Variants in HTD2 observed in about 807,000 individuals in gnomAD.
HTD2 encodes the protein hydroxyacyl-thioester dehydratase type 2, also known as hydroxyacyl-thioester dehydratase type 2, mitochondrial.
A neutral mutation model predicts 3.1 loss-of-function variants in HTD2; 1 was observed. The observed-to-expected ratio is 0.32, with a 90% CI of 0.11 to 1.52. HTD2 has a LOEUF of 1.52. Ranked by LOEUF, HTD2 falls within the 40% of genes most tolerant of loss-of-function variation. The pLI is 0.39. For missense variants in HTD2, 150 were observed against 79.6 expected, an observed-to-expected ratio of 1.88 and a Z score of -3.36; for synonymous variants, 50 against 28.9, an observed-to-expected ratio of 1.73 and a Z score of -2.34.
chr3:58,310,981 AT>A (rs1164548809), intron 2 of HTD2, among the ~76,000 whole-genome samples: 15 of 143,730 alleles, frequency 1.0e-4, no homozygotes, highest in African/African-American at 2.6e-4. Context: ...AAAAAAAAAA[AT>A]AAATTATACA....
intron 1 of HTD2, among the ~76,000 whole-genome samples, chr3:58,306,920 G>T (rs969444329): frequency 2.0e-5 from 3 of 152,170 alleles, no homozygotes; most frequent in African/African-American, 7.2e-5. Context: ...CAAATGCTAC[G>T]AAGAAGAAAG....
intron 2 of HTD2, among the ~76,000 whole-genome samples, chr3:58,314,221 C>T (rs1177625155): frequency 6.6e-6 from 1 of 152,138 alleles, no homozygotes; most frequent in African/African-American, 2.4e-5. Context: ...CGTGGTGGCA[C>T]ATGCCTGTAA....
chr3:58,311,484 T>C (rs1251981285), intron 2 of HTD2, among the ~76,000 whole-genome samples: 1 of 152,138 alleles, frequency 6.6e-6, no homozygotes, highest in Non-Finnish European at 1.5e-5. Flanking sequence ...CACATATGAG[T>C]GAGAACATGC....
At chr3:58,316,433 A>G in intron 2 of HTD2, 82 bp from the exon 3 acceptor site, 1 of 1,310,744 alleles carries the variant, frequency 7.6e-7, no homozygotes, top group South Asian at 1.2e-5. Context: ...GAAAAGCTCA[A>G]AACTCATTTG....
intron 2 of HTD2, among the ~76,000 whole-genome samples, chr3:58,311,145 G>A (rs1442581082): frequency 7.6e-6 from 1 of 131,076 alleles, no homozygotes; most frequent in Non-Finnish European, 1.8e-5. Flanking sequence ...TTTTGTTGTT[G>A]TTGTTGTTGT....
At chr3:58,308,891 A>T (rs1377062213) in intron 1 of HTD2, among the ~76,000 whole-genome samples, 1 of 152,244 alleles carries the variant, frequency 6.6e-6, no homozygotes, top group Non-Finnish European at 1.5e-5. Context: ...TTGAAGGATG[A>T]ATAGGACCTA....
chr3:58,310,571 G>A lies in HTD2; in HGVS notation c.-351G>A. ...GTTCAAACAGCTGCTTATTTCGGCT[G>A]TGAAGGACCTGTTTGGGGAGGTATG... On this transcript the variant is annotated 5_prime_UTR_variant, in exon 2 of 5. The change creates a new upstream start codon in the 5' untranslated region. Coordinates refer to ENST00000461393, the MANE Select transcript of HTD2 (RefSeq NM_001348712.2). 1.2e-6 allele frequency: 2 copies of A among 1,612,598 alleles called. No homozygotes were observed. The highest frequency in any genetic ancestry group is 2.2e-5 in the East Asian group (1 of 44,850).
At chr3:58,316,866 T>C in intron 3 of HTD2, 49 bp from the exon 4 acceptor site, 1 of 1,469,802 alleles carries the variant, frequency 6.8e-7, no homozygotes. Context: ...TGAAGTTCAT[T>C]TTGTTCTCTG....
rs1446450016 is a variant in HTD2, at chr3:58,320,029, T to A, written c.*1909T>A. 1 of 152,170 alleles carries A rather than the reference T, an allele frequency of 6.6e-6. No individual in the cohort carries two copies. Among genetic ancestry groups the A allele is most frequent in the Non-Finnish European group, 1.5e-5 (1 of 68,018 alleles). The allele number at this position is 152,170 out of a possible 1,614,324, so 9.4% of individuals were successfully genotyped here. On this transcript the variant is annotated 3_prime_UTR_variant, in exon 5 of 5. Coordinates refer to ENST00000461393, the MANE Select transcript of HTD2 (RefSeq NM_001348712.2). ...ATCACCAGTCTACTTTCTGTCTCTA[T>A]GGGTTTCCCTGTTCTGGACATTTCA...
At chr3:58,306,519 T>A (rs2097474742), upstream of HTD2, 1 of 152,300 alleles carries the variant, frequency 6.6e-6, no homozygotes, top group Admixed American at 6.5e-5. Context: ...TTGGGTAGCT[T>A]GTCCTCTCCG....
chr3:58,312,334 A>AC (rs76719108), intron 2 of HTD2, among the ~76,000 whole-genome samples: 5,529 of 69,634 alleles, frequency 0.079, 289 homozygotes, highest in Non-Finnish European at 0.096. Context: ...CAACCTCCGC[A>AC]CCCCCCCCCG....
chr3:58,317,096 T>G, intron 4 of HTD2, 103 bp downstream of exon 4: 4 of 831,076 alleles, frequency 4.8e-6, no homozygotes, highest in Non-Finnish European at 2.0e-6. Context: ...TGTAATATGG[T>G]TAAAATGATC....
chr3:58,317,693 C>T lies in HTD2; in HGVS notation c.80C>T (p.Thr27Ile). The change falls in exon 5 of 5, where the codon ACC becomes ATC. Residue 27 changes from threonine to isoleucine, a missense_variant. By Grantham distance (89) the Thr-to-Ile change is moderately conservative (BLOSUM62 -1). Coordinates refer to ENST00000461393, the MANE Select transcript of HTD2 (RefSeq NM_001348712.2). Reference sequence around the variant, plus strand: ...GTCTGTCTGAACCTGCCAGTGCTGACCCTGCAGCACTTTCAGCATATGCAC... The same window carrying T: ...GTCTGTCTGAACCTGCCAGTGCTGATCCTGCAGCACTTTCAGCATATGCAC... ...RTVCLNLPVL[T>I]LQHFQHMHIK... The T allele has an allele frequency of 1.4e-6, 1 of 704,580 alleles. No homozygotes were observed. The highest frequency in any genetic ancestry group is 2.6e-6 in the Non-Finnish European group (1 of 385,368). The allele number at this position is 704,580 out of a possible 1,614,324, so 43.6% of individuals were successfully genotyped here. A position where few individuals can be genotyped will look rare whatever the true frequency, so the allele number is the denominator to read the frequency against.
At chr3:58,311,649 G>A (rs944105804) in intron 2 of HTD2, among the ~76,000 whole-genome samples, 6 of 149,068 alleles carry the variant, frequency 4.0e-5, no homozygotes, top group East Asian at 2.0e-4. Context: ...CCATTGATGG[G>A]CACTTAAGTT....
At chr3:58,310,894 C>A (rs1038828967) in intron 2 of HTD2, among the ~76,000 whole-genome samples, 1 of 149,074 alleles carries the variant, frequency 6.7e-6, no homozygotes, top group Admixed American at 6.7e-5. Context: ...AACGCCACTG[C>A]ACTCCAGCCT....
intron 2 of HTD2, among the ~76,000 whole-genome samples, chr3:58,313,397 A>T (rs905170851): frequency 1.3e-5 from 2 of 152,248 alleles, no homozygotes; most frequent in African/African-American, 4.8e-5. Flanking sequence ...AGAAGTAGAG[A>T]AGTAGAGTTT....
At chr3:58,316,840 T>G (rs2097488782) in intron 3 of HTD2, 75 bp from the exon 4 acceptor site, 4 of 1,278,604 alleles carry the variant, frequency 3.1e-6, no homozygotes, top group East Asian at 2.3e-5. Flanking sequence ...GAAGTGAATA[T>G]TTTAGAAACC....
At chr3:58,312,677 T>C (rs1231177278) in intron 2 of HTD2, among the ~76,000 whole-genome samples, 1 of 152,064 alleles carries the variant, frequency 6.6e-6, no homozygotes, top group Non-Finnish European at 1.5e-5. Flanking sequence ...AGTCTCCTTA[T>C]GGGCCAGGCG....
Position 58,318,052 on chromosome 3 carries a change from A to G in HTD2, c.439A>G (p.Ile147Val). 1 of 693,496 alleles carries G rather than the reference A, an allele frequency of 1.4e-6. No individual in the cohort carries two copies. The highest frequency in any genetic ancestry group is 2.6e-6 in the Non-Finnish European group (1 of 382,494). The allele number at this position is 693,496 out of a possible 1,614,324, so 43.0% of individuals were successfully genotyped here. A position where few individuals can be genotyped will look rare whatever the true frequency, so the allele number is the denominator to read the frequency against. The change falls in exon 5 of 5, where the codon ATA becomes GTA. Residue 147 changes from isoleucine (I) to valine (V), a missense_variant. Ile to Val is a conservative substitution (Grantham distance 29, BLOSUM62 3). Transcript: ENST00000461393. ...TATTATTGCAGTGTCATGTTCTGTA[A>G]TAGAAAGTAAAAAGACTGTTATGGA... ...IAIIAVSCSV[I>V]ESKKTVMEGW...
Sources: allele counts gnomAD v4.1 joint callset (sites outside exome capture counted in the v4.1 genomes callset), GRCh38; gene constraint gnomAD v4.1.1; transcripts MANE v1.5; gene names NCBI Gene and HGNC (gene_info 2026-07-23, HGNC 2026-07-21).